The following CNMD variants were observed in gnomAD, a reference collection of about 807,000 sequenced individuals.
The protein encoded by CNMD is chondromodulin.
A neutral mutation model predicts 37.5 loss-of-function variants in CNMD; 30 were observed. The ratio of observed to expected loss-of-function variants is 0.80; its 90% CI spans 0.60 to 1.09. CNMD has a LOEUF of 1.09. CNMD is among the 50% of genes least tolerant of loss of function. The pLI is 0.00. For missense variants in CNMD, 398 were observed against 423.9 expected (o/e 0.94, Z 0.54); for synonymous variants, 167 against 148.2 (o/e 1.13, Z -0.92).
intron 3 of CNMD, among the ~76,000 whole-genome samples, chr13:52,727,138 G>T (rs1336546007): frequency 6.6e-6 from 1 of 151,980 alleles, no homozygotes; most frequent in Non-Finnish European, 1.5e-5. Context: ...GGCCATGGTG[G>T]TGCACGCCTG....
At chr13:52,726,612 C>G (rs904770125) in intron 3 of CNMD, among the ~76,000 whole-genome samples, 11 of 150,872 alleles carry the variant, frequency 7.3e-5, no homozygotes, top group South Asian at 2.1e-4. Context: ...CCTATGAAAG[C>G]AAATTTAAAA....
intron 6 of CNMD, among the ~76,000 whole-genome samples, chr13:52,706,728 TGTGTGTGTGTATGTGTGTGTGTCTGTGG>T (rs1042834938): frequency 1.2e-3 from 20 of 16,556 alleles, no homozygotes; most frequent in Non-Finnish European, 1.4e-3. Flanking sequence ...GTTAAAAGTG[TGTGTGTGTGTATGTGTGTGTGTCTGTGG>T]GTGTGTACTT....
chr13:52,735,881 G>A (rs1047433626), intron 2 of CNMD, among the ~76,000 whole-genome samples: 5 of 149,858 alleles, frequency 3.3e-5, no homozygotes, highest in African/African-American at 1.2e-4. Flanking sequence ...CCAAGCTGGG[G>A]TGCAGTGGCA....
chr13:52,726,242 T>C (rs1341834160), intron 3 of CNMD, among the ~76,000 whole-genome samples: 1 of 152,170 alleles, frequency 6.6e-6, no homozygotes, highest in African/African-American at 2.4e-5. Flanking sequence ...TTGGGAGCCT[T>C]AAAAGCTCCC....
intron 4 of CNMD, among the ~76,000 whole-genome samples, chr13:52,719,955 A>G (rs911231072): frequency 6.6e-6 from 1 of 152,170 alleles, no homozygotes; most frequent in African/African-American, 2.4e-5. Context: ...TGTCACTTTC[A>G]GGTACACCAG....
At chr13:52,706,779 T>A (rs941962344) in intron 6 of CNMD, among the ~76,000 whole-genome samples, 5 of 152,052 alleles carry the variant, frequency 3.3e-5, no homozygotes, top group African/African-American at 1.2e-4. Flanking sequence ...GCAAAGAAAC[T>A]GGACAAATAG....
intron 6 of CNMD, among the ~76,000 whole-genome samples, chr13:52,706,759 G>A (rs1009226785): frequency 1.3e-5 from 2 of 151,874 alleles, no homozygotes; most frequent in African/African-American, 2.4e-5. Context: ...GTCTGTGGGT[G>A]TGTACTTATG....
intron 3 of CNMD, among the ~76,000 whole-genome samples, chr13:52,731,470 C>T (rs1467779449): frequency 6.6e-6 from 1 of 152,112 alleles, no homozygotes; most frequent in Non-Finnish European, 1.5e-5. Context: ...AAACCCATAA[C>T]AGGTTCTATC....
At chr13:52,737,779 T>C in intron 2 of CNMD, among the ~76,000 whole-genome samples, 1 of 152,268 alleles carries the variant, frequency 6.6e-6, no homozygotes, top group South Asian at 2.1e-4. Context: ...AATCATTCTC[T>C]TATTCACATT....
At chr13:52,717,724 T>C (rs1016773207) in intron 4 of CNMD, among the ~76,000 whole-genome samples, 1 of 152,248 alleles carries the variant, frequency 6.6e-6, no homozygotes, top group Non-Finnish European at 1.5e-5. Flanking sequence ...CTTTTTGATA[T>C]GCTGCTGCAT....
intron 4 of CNMD, among the ~76,000 whole-genome samples, chr13:52,719,069 T>C (rs377249630): frequency 1.3e-5 from 2 of 152,250 alleles, no homozygotes; most frequent in South Asian, 4.1e-4. Context: ...TTGATCCTTT[T>C]ACCATTATGT....
chr13:52,707,095 T>C (rs1964194364), intron 6 of CNMD, among the ~76,000 whole-genome samples: 1 of 152,074 alleles, frequency 6.6e-6, no homozygotes, highest in African/African-American at 2.4e-5. Flanking sequence ...GGTTTTACCA[T>C]GTTGGCCAGG....
chr13:52,722,808 TA>T (rs1452483984), intron 4 of CNMD, among the ~76,000 whole-genome samples: 1 of 152,242 alleles, frequency 6.6e-6, no homozygotes, highest in Admixed American at 6.5e-5. Flanking sequence ...AAACATGTTT[TA>T]AAAACTCACA....
chr13:52,707,554 GTGCCTAAATGAC>G (rs1404658279), intron 6 of CNMD, among the ~76,000 whole-genome samples: 10 of 152,194 alleles, frequency 6.6e-5, no homozygotes, highest in Non-Finnish European at 1.3e-4. Context: ...GAAAGAGCAG[GTGCCTAAATGAC>G]TGCCTGTTGA....
rs139100193 is a variant in CNMD at position 52,716,545 on chromosome 13, C to T, written c.469-3676G>A. On this transcript the variant is annotated intron_variant, in intron 4 of 6. Transcript: ENST00000377962. ...TTGTATAAGGTGTAAGGAAGGGGTC[C>T]GGTTTCAGTTTTCTACGTATGGCTA... Among the ~76,000 whole-genome samples the T allele has an allele frequency of 6.0e-4, 91 of 152,182 alleles. No homozygotes were observed. In the East Asian group the frequency reaches 0.012, roughly 20 times the overall value.
intron 4 of CNMD, 97 bp downstream of exon 4, chr13:52,723,894 CAATAAA>C (rs915501193): frequency 4.8e-5 from 36 of 746,972 alleles, no homozygotes; most frequent in East Asian, 4.6e-4. Flanking sequence ...GACTCTGTCT[CAATAAA>C]AATAAAAATA....
At chr13:52,733,714 G>A (rs1964712695) in intron 2 of CNMD, among the ~76,000 whole-genome samples, 1 of 152,176 alleles carries the variant, frequency 6.6e-6, no homozygotes, top group Non-Finnish European at 1.5e-5. Context: ...GGGCGCTTGG[G>A]CATAGGTCTT....
At chr13:52,726,176 G>A (rs111250385) in intron 3 of CNMD, among the ~76,000 whole-genome samples, 3 of 152,292 alleles carry the variant, frequency 2.0e-5, no homozygotes, top group African/African-American at 7.2e-5. Flanking sequence ...GAACACAGAC[G>A]CCTGGGTCCC....
rs138881726 is a variant in CNMD, at chr13:52,729,617, G to A, written c.354+3602C>T. Among the ~76,000 whole-genome samples, 1,169 of 152,242 alleles carry A rather than the reference G, an allele frequency of 7.7e-3. 9 individuals are homozygous for A. Among genetic ancestry groups the A allele is most frequent in the African/African-American group, 0.022 (911 of 41,534 alleles). On this transcript the variant is annotated intron_variant, in intron 3 of 6. Transcript: ENST00000377962. The stretch of plus-strand genomic sequence containing the variant: ...TTTATATCTTCTAGTGCATCTGGCT[G>A]AACATTTACATATGAAGTCCATATT...
Sources: allele counts gnomAD v4.1 joint callset (sites outside exome capture counted in the v4.1 genomes callset), GRCh38; gene constraint gnomAD v4.1.1; transcripts MANE v1.5; gene names NCBI Gene and HGNC (gene_info 2026-07-23, HGNC 2026-07-21).